KCNC4: variants seen among roughly 807,000 people sequenced by gnomAD.
KCNC4 encodes potassium voltage-gated channel subfamily C member 4.
KCNC4 carries 23 observed loss-of-function variants against 42.8 expected under a neutral mutation model. The observed-to-expected ratio is 0.54, with a 90% CI of 0.39 to 0.76. KCNC4 has a LOEUF of 0.76. KCNC4 is among the 30% of genes least tolerant of loss of function. The probability of loss-of-function intolerance (pLI) is 0.00; values close to 1 mark genes in which losing one functional copy is unlikely to be tolerated. For missense variants in KCNC4, 751 were observed against 898.2 expected, an observed-to-expected ratio of 0.84 and a Z score of 2.10; for synonymous variants, 422 against 393.5, an observed-to-expected ratio of 1.07 and a Z score of -0.86.
At chr1:110,232,364 C>T (rs1557864513) in intron 3 of KCNC4, 1 of 1,584,888 alleles carries the variant, frequency 6.3e-7, no homozygotes, top group South Asian at 1.1e-5. Flanking sequence ...TTCACCAGCT[C>T]CTTGGGACAA....
intron 1 of KCNC4, among the ~76,000 whole-genome samples, chr1:110,254,425 A>G (rs1030081566): frequency 1.3e-5 from 2 of 152,202 alleles, no homozygotes; most frequent in African/African-American, 4.8e-5. Context: ...CACCCACTGC[A>G]TATCCAAGAA....
chr1:110,217,185 G>A (rs899507214), intron 1 of KCNC4, among the ~76,000 whole-genome samples: 4 of 152,214 alleles, frequency 2.6e-5, no homozygotes, highest in East Asian at 1.9e-4. Context: ...AATACAAGAC[G>A]GATCATGAGA....
chr1:110,215,667 G>T (rs1445464983), intron 1 of KCNC4, among the ~76,000 whole-genome samples: 2 of 152,240 alleles, frequency 1.3e-5, no homozygotes, highest in Admixed American at 6.5e-5. Context: ...CTCCAGCAGG[G>T]TCTTCCCCTT....
At chr1:110,219,183 T>G (rs1657963998) in intron 1 of KCNC4, among the ~76,000 whole-genome samples, 1 of 152,274 alleles carries the variant, frequency 6.6e-6, no homozygotes, top group East Asian at 1.9e-4. Flanking sequence ...TCAGTCTCCG[T>G]TTTTCACTTC....
intron 1 of KCNC4, among the ~76,000 whole-genome samples, chr1:110,213,632 C>T (rs1185359776): frequency 1.3e-5 from 2 of 152,254 alleles, no homozygotes; most frequent in African/African-American, 4.8e-5. Flanking sequence ...AGGGATCTTT[C>T]TCAGGACTGA....
rs893092375 is a variant in KCNC4, at chr1:110,211,134, C to T, written c.-366C>T. 3.3e-5 allele frequency among the ~76,000 whole-genome samples: 5 copies of T among 152,260 alleles called. No homozygotes were observed. The highest frequency in any genetic ancestry group is 5.9e-5 in the Non-Finnish European group (4 of 68,050). On this transcript the variant is annotated 5_prime_UTR_variant, in exon 1 of 4. Coordinates refer to ENST00000438661, the MANE Select transcript of KCNC4 (RefSeq NM_001039574.3). The surrounding 1 kb of genome is among the most constrained non-coding windows in gnomAD (Gnocchi z 6.5). ...ACCTTCGCGGTGCGCGTGGACTGTG[C>T]GCTTCCTCGTCTTTGGTCGGGGTGA... is the stretch of plus-strand genomic sequence containing the variant.
intron 1 of KCNC4, among the ~76,000 whole-genome samples, chr1:110,213,972 G>A (rs1259334983): frequency 6.6e-6 from 1 of 152,184 alleles, no homozygotes; most frequent in Non-Finnish European, 1.5e-5. Flanking sequence ...GGGACTTCTA[G>A]GGGCTTTTCA....
chr1:110,218,745 A>C (rs1657938691), intron 1 of KCNC4, among the ~76,000 whole-genome samples: 1 of 152,142 alleles, frequency 6.6e-6, no homozygotes, highest in South Asian at 2.1e-4. Flanking sequence ...GCCCAACTTG[A>C]ACCCAGAAGT....
At chr1:110,256,416 GA>G (rs1291914318) in intron 1 of KCNC4, among the ~76,000 whole-genome samples, 1 of 152,136 alleles carries the variant, frequency 6.6e-6, no homozygotes, top group Non-Finnish European at 1.5e-5. Flanking sequence ...CTGAGGCCCC[GA>G]AAGAACACAT....
intron 1 of KCNC4, among the ~76,000 whole-genome samples, chr1:110,260,696 C>T (rs1045888899): frequency 6.6e-6 from 1 of 152,128 alleles, no homozygotes; most frequent in African/African-American, 2.4e-5. Flanking sequence ...TTTGGGAGGT[C>T]GAGGTGGGTG....
At position 110,254,887 on chromosome 1, in the gene KCNC4, T is replaced by C. The variant is rs145490448; in HGVS notation, n.31-27647T>C. ...GCTGTAGAACAGCCCACAGCAGTTG[T>C]AGCAATGCCATTCCAGTCCATTCCA... On this transcript the variant is annotated intron_variant and non_coding_transcript_variant, in intron 1 of 2. Coordinates refer to the KCNC4 transcript ENST00000412512. 1.4e-3 allele frequency among the ~76,000 whole-genome samples: 208 copies of C among 152,316 alleles called. 2 individuals are homozygous for C. The highest frequency in any genetic ancestry group is 4.9e-3 in the African/African-American group (202 of 41,570).
rs1331533110 is a variant in KCNC4 at position 110,211,123 on chromosome 1, C to G, written c.-377C>G. ...GAGCGCCCCGGACCTTCGCGGTGCG[C>G]GTGGACTGTGCGCTTCCTCGTCTTT... On this transcript the variant is annotated 5_prime_UTR_variant, in exon 1 of 4. Coordinates refer to ENST00000438661, the MANE Select transcript of KCNC4 (RefSeq NM_001039574.3). The surrounding 1 kb of genome is among the most constrained non-coding windows in gnomAD (Gnocchi z 6.5). Among the ~76,000 whole-genome samples the G allele has an allele frequency of 2.0e-5, 3 of 152,262 alleles. No homozygotes were observed. Among genetic ancestry groups the G allele is most frequent in the Admixed American group, 2.0e-4 (3 of 15,294 alleles).
At chr1:110,261,109 T>G (rs1356673371) in intron 1 of KCNC4, among the ~76,000 whole-genome samples, 3 of 152,158 alleles carry the variant, frequency 2.0e-5, no homozygotes, top group African/African-American at 4.8e-5. Flanking sequence ...AAGAAAAACT[T>G]TCTCAATTTT....
intron 1 of KCNC4, among the ~76,000 whole-genome samples, chr1:110,255,569 C>T (rs893929874): frequency 1.3e-5 from 2 of 152,186 alleles, no homozygotes; most frequent in Non-Finnish European, 2.9e-5. Context: ...GCTACAGACA[C>T]CCAGGCAAAT....
chr1:110,249,576 C>A (rs1659216284), downstream of KCNC4, among the ~76,000 whole-genome samples: 1 of 152,106 alleles, frequency 6.6e-6, no homozygotes, highest in Non-Finnish European at 1.5e-5. Context: ...ATTAATCAAT[C>A]CCCCCTCTGG....
chr1:110,230,771 G>C (rs1242541046), intron 3 of KCNC4, among the ~76,000 whole-genome samples: 1 of 152,224 alleles, frequency 6.6e-6, no homozygotes. Flanking sequence ...TGAGTAGACT[G>C]TCTGCCCTTA....
chr1:110,275,954 C>CAAAAAAAAA (rs61372696), intron 1 of KCNC4, among the ~76,000 whole-genome samples: 3 of 106,230 alleles, frequency 2.8e-5, no homozygotes, highest in Admixed American at 1.0e-4. Flanking sequence ...GACTCCGCCT[C>CAAAAAAAAA]AAAAAAAAAA....
At chr1:110,283,533 A>G (rs1312864834), downstream of KCNC4, among the ~76,000 whole-genome samples, 14 of 152,156 alleles carry the variant, frequency 9.2e-5, no homozygotes, top group Admixed American at 1.3e-4. Flanking sequence ...GTGGAGACAC[A>G]CTGACTGGTT....
chr1:110,269,658 C>G (rs1659605915), intron 1 of KCNC4, among the ~76,000 whole-genome samples: 1 of 151,892 alleles, frequency 6.6e-6, no homozygotes, highest in Non-Finnish European at 1.5e-5. Flanking sequence ...TGGTAAATAC[C>G]TAGGAACGGG....
Sources: gnomAD v4.1 joint callset for allele counts (sites outside exome capture counted in the v4.1 genomes callset) on GRCh38, gnomAD v4.1.1 for gene constraint, Gnocchi (gnomAD v3.1) non-coding constraint, MANE v1.5 for transcripts, NCBI Gene and HGNC (gene_info 2026-07-23, HGNC 2026-07-21) for gene names.